Variants in PFKL observed in about 807,000 individuals in gnomAD.
PFKL encodes ATP-dependent 6-phosphofructokinase, liver type.
In PFKL, 74 loss-of-function variants were observed where a neutral mutation model predicts 92.1. That is an observed-to-expected ratio of 0.80 (90% confidence interval 0.67 to 0.97). The LOEUF is 0.97. Ranked by LOEUF, PFKL falls within the 50% of genes least tolerant of loss-of-function variation. PFKL has a pLI of 0.00. For synonymous variants in PFKL, 494 were observed against 456.4 expected (o/e 1.08, Z -1.05); for missense variants, 1,028 against 1,116.6 (o/e 0.92, Z 1.13).
rs974525863 is a variant in PFKL, at chr21:44,312,884, G to A, written c.428-94G>A. 7.2e-6 allele frequency: 10 copies of A among 1,379,970 alleles called. No homozygotes were observed. The Admixed American group carries it at 1.5e-4, about 20-fold the overall frequency. The allele number at this position is 1,379,970 out of a possible 1,614,324, so 85.5% of individuals were successfully genotyped here. On this transcript the variant is annotated intron_variant, in intron 4 of 21. Coordinates refer to ENST00000349048, the MANE Select transcript of PFKL (RefSeq NM_002626.6). ...GGGCCCCTGCCGGGCTGCACGCCTG[G>A]GATGCGGGGGAAGGGGTGGCAGGAG...
chr21:44,302,555 C>G (rs1486214471), intron 1 of PFKL, among the ~76,000 whole-genome samples: 4 of 152,230 alleles, frequency 2.6e-5, no homozygotes, highest in African/African-American at 9.6e-5. Context: ...AAGGCTGACC[C>G]TGGCCGAGGG....
rs2047375042 is a variant in PFKL, at chr21:44,322,187, A to C, written c.1393A>C (p.Met465Leu). 2.5e-6 allele frequency: 4 copies of C among 1,603,226 alleles called. No individual in the cohort carries two copies. The highest frequency in any genetic ancestry group is 1.3e-5 in the African/African-American group (1 of 74,856). The change falls in exon 14 of 22, where the codon ATG becomes CTG. Residue 465 changes from methionine (M) to leucine (L), a missense_variant. Transcript: ENST00000349048. ...VAGWLGRGGS[M>L]LGTKRTLPKG... ...CGGCTGGTTGGGGCGTGGTGGCTCC[A>C]TGCTGGGGACCAAGAGGTGAGCTGC...
At chr21:44,323,709 C>T (rs2047418937) in intron 15 of PFKL, 57 bp from the exon 16 acceptor site, 2 of 1,553,582 alleles carry the variant, frequency 1.3e-6, no homozygotes, top group East Asian at 2.4e-5. Context: ...AGAGCCTGTC[C>T]CCGGCCCACC....
chr21:44,318,395 C>T (rs1022597296), intron 9 of PFKL, 75 bp from the exon 10 acceptor site: 7 of 1,359,122 alleles, frequency 5.2e-6, no homozygotes, highest in Non-Finnish European at 6.7e-6. Context: ...GGGGTTTGCA[C>T]ATCTACAGAG....
Position 44,325,262 on chromosome 21 carries a change from C to A in PFKL, c.1987C>A (p.Gln663Lys). The A allele has an allele frequency of 1.3e-6, 2 of 1,592,632 alleles. No individual in the cohort carries two copies. The highest frequency in any genetic ancestry group is 1.7e-6 in the Non-Finnish European group (2 of 1,161,266). Residue 663 changes from glutamine (Q) to lysine (K), a missense_variant and splice_region_variant, in exon 19 of 22, where the codon CAG (glutamine) becomes AAG (lysine). Gln to Lys is a moderately conservative substitution (Grantham distance 53, BLOSUM62 1). Transcript: ENST00000349048. ...CRTNVLGHLQQGGAPTPFDRN... is the reference protein window; with the variant it reads ...CRTNVLGHLQKGGAPTPFDRN... ...GACCAATGTCCTGGGCCACCTGCAG[C>A]AGGTGTGGGGCAGGGGTGAGGCTCT...
In PFKL at chr21:44,318,641, C is replaced by T. The variant is rs371502677; in HGVS notation, c.1062+46C>T. 1.8e-5 allele frequency: 25 copies of T among 1,410,952 alleles called. No individual in the cohort carries two copies. In the African/African-American group the frequency reaches 3.5e-4, roughly 20 times the overall value. The allele number at this position is 1,410,952 out of a possible 1,614,324, so 87.4% of individuals were successfully genotyped here. ...ATCAGAACCGCCTGGCCCCTCTCCC[C>T]AGTCCCCACTCACAGGCCCCACTGC... On this transcript the variant is annotated intron_variant, in intron 10 of 21. Coordinates refer to ENST00000349048, the MANE Select transcript of PFKL (RefSeq NM_002626.6).
intron 10 of PFKL, among the ~76,000 whole-genome samples, 182 bp downstream of exon 10, chr21:44,318,777 C>T (rs1473159375): frequency 2.6e-5 from 4 of 152,128 alleles, no homozygotes; most frequent in South Asian, 4.1e-4. Flanking sequence ...CTGGGTGGGA[C>T]GTGGGACCTG....
At chr21:44,310,921 TG>T in intron 2 of PFKL, 84 bp from the exon 3 acceptor site, 1 of 907,420 alleles carries the variant, frequency 1.1e-6, no homozygotes, top group Non-Finnish European at 1.8e-6. Flanking sequence ...TTTCTGCTGG[TG>T]GGGTGAAAAT....
chr21:44,321,792 C>A lies in PFKL; in HGVS notation c.1255C>A (p.Arg419Ser). The A allele has an allele frequency of 6.2e-7, 1 of 1,601,252 alleles. No homozygotes were observed. The highest frequency in any genetic ancestry group is 2.3e-5 in the East Asian group (1 of 44,210). ...APAAGMNAAV[R>S]SAVRTGISHG... ...GGCGGCTGGCATGAATGCGGCCGTG[C>A]GCTCGGCGGTGCGGACCGGCATCTC... The change falls in exon 13 of 22, where the codon CGC becomes AGC. Residue 419 changes from arginine to serine, a missense_variant. Transcript: ENST00000349048.
intron 5 of PFKL, 80 bp downstream of exon 5, chr21:44,313,223 A>G: frequency 2.0e-6 from 3 of 1,486,266 alleles, no homozygotes; most frequent in Non-Finnish European, 2.8e-6. Flanking sequence ...GGTGACGGCC[A>G]TCTGCAAGGG....
Position 44,324,575 on chromosome 21 carries a change from C to G in PFKL, c.1735C>G (p.Leu579Val). The G allele has an allele frequency of 6.2e-7, 1 of 1,613,092 alleles. No individual in the cohort carries two copies. ...VETMGGYCGY[L>V]ATVTGIAVGA... Reference sequence around the variant, plus strand: ...GACCATGGGGGGTTACTGTGGCTACCTGGCCACCGTGACTGGCATTGCTGT... The same window carrying G: ...GACCATGGGGGGTTACTGTGGCTACGTGGCCACCGTGACTGGCATTGCTGT... The change falls in exon 17 of 22, where the codon CTG (leucine) becomes GTG (valine). Residue 579 changes from leucine (L) to valine (V), a missense_variant. Transcript: ENST00000349048.
At chr21:44,304,149 G>C in intron 1 of PFKL, 1 of 1,245,902 alleles carries the variant, frequency 8.0e-7, no homozygotes, top group Admixed American at 2.6e-5. Flanking sequence ...ACAAAGCTGG[G>C]TTTTGGCAGC....
At chr21:44,304,689 TG>T (rs1158713423) in intron 1 of PFKL, among the ~76,000 whole-genome samples, 5 of 117,526 alleles carry the variant, frequency 4.3e-5, no homozygotes, top group African/African-American at 1.6e-4. Context: ...CTCAGCTGTC[TG>T]GGGGGGGCTC....
At chr21:44,308,180 C>T (rs1212684757) in intron 2 of PFKL, among the ~76,000 whole-genome samples, 1 of 152,080 alleles carries the variant, frequency 6.6e-6, no homozygotes, top group Non-Finnish European at 1.5e-5. Context: ...GTCCTGAGGG[C>T]TGTGAGGGGC....
At chr21:44,318,846 CAG>C (rs767857082) in intron 10 of PFKL, among the ~76,000 whole-genome samples, 43 of 152,304 alleles carry the variant, frequency 2.8e-4, no homozygotes, top group Non-Finnish European at 4.6e-4. Context: ...TGGGAAGTCA[CAG>C]GGGTCCACGG....
At chr21:44,324,342 T>C in intron 16 of PFKL, 149 bp from the exon 17 acceptor site, 2 of 761,864 alleles carry the variant, frequency 2.6e-6, no homozygotes, top group South Asian at 3.6e-5. Context: ...AGGTGGGAGG[T>C]GGGCCCAAGC....
intron 10 of PFKL, among the ~76,000 whole-genome samples, 177 bp from the exon 11 acceptor site, chr21:44,319,174 C>T (rs2047291237): frequency 6.6e-6 from 1 of 152,110 alleles, no homozygotes; most frequent in Admixed American, 6.5e-5. Flanking sequence ...TCTCAGCCAG[C>T]CCCAGAAGAG....
Position 44,315,955 on chromosome 21 carries a change from T to TG in PFKL, c.748-288dup, listed in dbSNP as rs1239082281. ...ACAAGGGCCCAGCCCCAGCTGTGTG[T>TG]GTGCTGGGCCCAGCCCCGAGGGCCC... is the stretch of plus-strand genomic sequence containing the variant. On this transcript the variant is annotated intron_variant, in intron 7 of 21. Coordinates refer to ENST00000349048, the MANE Select transcript of PFKL (RefSeq NM_002626.6). The TG allele has an allele frequency of 2.0e-5, 9 of 457,056 alleles. No homozygotes were observed. In the East Asian group the frequency reaches 2.6e-4, roughly 13 times the overall value. 28.3% of individuals were successfully genotyped at this position (457,056 alleles called of 1,614,324 possible). A position where few individuals can be genotyped will look rare whatever the true frequency, so the allele number is the denominator to read the frequency against.
rs1326321357 is a variant in PFKL, at chr21:44,327,145, C to T, written c.*283C>T. 8 of 487,336 alleles carry T rather than the reference C, an allele frequency of 1.6e-5. No individual in the cohort carries two copies. The highest frequency in any genetic ancestry group is 1.4e-4 in the African/African-American group (7 of 51,618). 30.2% of individuals were successfully genotyped at this position (487,336 alleles called of 1,614,324 possible). On this transcript the variant is annotated 3_prime_UTR_variant, in exon 22 of 22. Transcript: ENST00000349048. The stretch of plus-strand genomic sequence containing the variant: ...GCTGTCGGTGTTTGGAGGCTGCTGC[C>T]CCCTGGCTTTGGCGCCCCATGGGCC...
Sources: allele counts gnomAD v4.1 joint callset (sites outside exome capture counted in the v4.1 genomes callset), GRCh38; gene constraint gnomAD v4.1.1; transcripts MANE v1.5; gene names NCBI Gene and HGNC (gene_info 2026-07-23, HGNC 2026-07-21).